Variants in PHACTR2 observed in about 807,000 individuals in gnomAD.
The protein encoded by PHACTR2 is chromosome 6 open reading frame 56.
In PHACTR2, 30 loss-of-function variants were observed where a neutral mutation model predicts 76.0. The observed-to-expected ratio is 0.39, with a 90% CI of 0.30 to 0.54. PHACTR2 has a LOEUF of 0.54. PHACTR2 is among the 20% of genes least tolerant of loss of function. PHACTR2 has a pLI of 0.61. For missense variants in PHACTR2, 696 were observed against 781.1 expected (o/e 0.89, Z 1.30); for synonymous variants, 292 against 292.5 (o/e 1.00, Z 0.02).
At chr6:143,736,554 ATTTTTTTTTTTTTTT>A (rs776969170) in intron 2 of PHACTR2, among the ~76,000 whole-genome samples, 13 of 56,950 alleles carry the variant, frequency 2.3e-4, no homozygotes, top group African/African-American at 7.2e-4. Flanking sequence ...ACCCTTTACA[ATTTTTTTTTTTTTTT>A]TTTTTTTTTT....
chr6:143,659,204 TA>T lies in PHACTR2; in HGVS notation c.13+50885del. 6.6e-6 allele frequency among the ~76,000 whole-genome samples: 1 copy of T among 152,236 alleles called. No individual in the cohort carries two copies. Among genetic ancestry groups the T allele is most frequent in the Non-Finnish European group, 1.5e-5 (1 of 68,046 alleles). ...TAAACACTGTACACTTAGCCTACAC[TA>T]AATTTATATTTAAAATTTCTTTTCC... On this transcript the variant is annotated intron_variant, in intron 1 of 11. Transcript: ENST00000305766. This position sits in a 1 kb window ranked among gnomAD's most constrained non-coding sequence, Gnocchi z 5.0.
At position 143,772,311 on chromosome 6, in the gene PHACTR2, G is replaced by C. The variant is rs763746621; in HGVS notation, c.1286G>C (p.Gly429Ala). The change falls in exon 7 of 13, where the codon GGG becomes GCG. Residue 429 changes from glycine (G) to alanine (A), a missense_variant. By Grantham distance (60) the Gly-to-Ala change is moderately conservative. This residue lies in a region of PHACTR2 where 236 missense variants were observed against 330.2 expected (regional missense o/e 0.71). Transcript: ENST00000440869. This position sits in a 1 kb window ranked among gnomAD's most constrained non-coding sequence, Gnocchi z 5.4. ...GKTVPQLLTP[G>A]LMGESSESFS... ...ACAGTGCCTCAGCTACTGACTCCTG[G>C]GCTGATGGGCGAATCTTCAGAATCC... 3.7e-5 allele frequency: 59 copies of C among 1,613,910 alleles called. No individual in the cohort carries two copies. Among genetic ancestry groups the C allele is most frequent in the Non-Finnish European group, 4.9e-5 (58 of 1,179,936 alleles).
chr6:143,763,120 A>G (rs960193229), intron 5 of PHACTR2, among the ~76,000 whole-genome samples: 1 of 152,194 alleles, frequency 6.6e-6, no homozygotes, highest in Non-Finnish European at 1.5e-5. Context: ...GCACTTTGGG[A>G]GGCCGAGGCA....
rs1220210806 is a variant in PHACTR2, at chr6:143,602,969, AC to A, written c.217+65766del. Among the ~76,000 whole-genome samples the A allele has an allele frequency of 6.6e-6, 1 of 151,756 alleles. No individual in the cohort carries two copies. Among genetic ancestry groups the A allele is most frequent in the Non-Finnish European group, 1.5e-5 (1 of 67,952 alleles). ...AGACCAGCCTGGCCAACATGGCAAA[AC>A]CCCGTCTCTACTAAAAATACAAAAA... is the stretch of plus-strand genomic sequence containing the variant. On this transcript the variant is annotated intron_variant, in intron 1 of 11. Coordinates refer to the PHACTR2 transcript ENST00000367584. The surrounding 1 kb of genome is among the most constrained non-coding windows in gnomAD (Gnocchi z 6.1).
rs1425984671 is a variant in PHACTR2, at chr6:143,820,973, A to G, written c.1923-2701A>G. Among the ~76,000 whole-genome samples, 1 of 152,236 alleles carries G rather than the reference A, an allele frequency of 6.6e-6. No individual in the cohort carries two copies. The highest frequency in any genetic ancestry group is 1.5e-5 in the Non-Finnish European group (1 of 68,046). ...TCATGTAGAAGCTGTCAAGGCTTTC[A>G]GCTTGCACCCTCTGAAGCAGAAGCC... On this transcript the variant is annotated intron_variant, in intron 12 of 12. Coordinates refer to ENST00000440869, the MANE Select transcript of PHACTR2 (RefSeq NM_001100164.2). This position sits in a 1 kb window ranked among gnomAD's most constrained non-coding sequence, Gnocchi z 4.2.
rs1776100379 is a variant in PHACTR2, at chr6:143,618,696, C to T, written c.13+10374C>T. Among the ~76,000 whole-genome samples, 2 of 152,086 alleles carry T rather than the reference C, an allele frequency of 1.3e-5. No homozygotes were observed. Among genetic ancestry groups the T allele is most frequent in the Admixed American group, 6.6e-5 (1 of 15,264 alleles). On this transcript the variant is annotated intron_variant, in intron 1 of 11. Transcript: ENST00000305766. This position sits in a 1 kb window ranked among gnomAD's most constrained non-coding sequence, Gnocchi z 5.2. Reference sequence around the variant, plus strand: ...CCCAGACCCTCTCACTTGCATGTCCCCTATTGCCATATTGCAAAGCCTCCT... The same window carrying T: ...CCCAGACCCTCTCACTTGCATGTCCTCTATTGCCATATTGCAAAGCCTCCT...
rs980048634 is a variant in PHACTR2 at position 143,537,116 on chromosome 6, C to T, written c.126C>T (p.Pro42=). The T allele has an allele frequency of 1.3e-5, 4 of 300,828 alleles. No homozygotes were observed. Among genetic ancestry groups the T allele is most frequent in the African/African-American group, 4.5e-5 (2 of 43,982 alleles). 18.6% of individuals were successfully genotyped at this position (300,828 alleles called of 1,614,324 possible). ...CGGCGCCTGCCCTGCGCTGGCTTCC[C>T]GGGGACCCGAGCCCCCGCGGCCGCT... Residue 42 remains proline (P), a synonymous_variant, in exon 1 of 12, where the codon CCC becomes CCT. Coordinates refer to the PHACTR2 transcript ENST00000367584. The surrounding 1 kb of genome is among the most constrained non-coding windows in gnomAD (Gnocchi z 4.4).
chr6:143,640,241 A>G lies in PHACTR2; in HGVS notation c.13+31919A>G, dbSNP rs150232579. Among the ~76,000 whole-genome samples the G allele has an allele frequency of 1.9e-3, 285 of 152,354 alleles. 1 individual carries two copies. Among genetic ancestry groups the G allele is most frequent in the African/African-American group, 6.5e-3 (270 of 41,588 alleles). ...TATGTTACCGGTTTGTGGATTTACT[A>G]TACTTTTAATCACCATTTTAGAGTG... is the stretch of plus-strand genomic sequence containing the variant. On this transcript the variant is annotated intron_variant, in intron 1 of 11. Transcript: ENST00000305766.
In PHACTR2 at chr6:143,782,672, A is replaced by G. The variant is rs185309572; in HGVS notation, c.1646-547A>G. Among the ~76,000 whole-genome samples, 188 of 152,310 alleles carry G rather than the reference A, an allele frequency of 1.2e-3. No individual in the cohort carries two copies. The Middle Eastern group carries it at 0.017, about 14-fold the overall frequency. On this transcript the variant is annotated intron_variant, in intron 9 of 12. Transcript: ENST00000440869. This position sits in a 1 kb window ranked among gnomAD's most constrained non-coding sequence, Gnocchi z 4.6. The stretch of plus-strand genomic sequence containing the variant: ...ACATTCTGGTTTGAAAGCAAAGTCC[A>G]AGGAAATGCTTACATTCTGCTTCTA...
Position 143,783,988 on chromosome 6 carries a change from CA to C in PHACTR2, c.1707+717del, listed in dbSNP as rs542525386. Among the ~76,000 whole-genome samples the C allele has an allele frequency of 1.5e-3, 140 of 93,944 alleles. 1 individual carries two copies. In the East Asian group the frequency reaches 0.036, roughly 24 times the overall value. 61.6% of individuals were successfully genotyped at this position (93,944 alleles called of 152,430 possible). ...TGGACAACATAGTGAGACCTTGTTT[CA>C]AAAAAAAAGAATTAATTGAAAATTA... On this transcript the variant is annotated intron_variant, in intron 10 of 12. Coordinates refer to ENST00000440869, the MANE Select transcript of PHACTR2 (RefSeq NM_001100164.2). This position sits in a 1 kb window ranked among gnomAD's most constrained non-coding sequence, Gnocchi z 5.2.
chr6:143,612,231 C>G (rs911454464), intron 1 of PHACTR2, among the ~76,000 whole-genome samples: 1 of 152,082 alleles, frequency 6.6e-6, no homozygotes, highest in African/African-American at 2.4e-5. Flanking sequence ...GGAAATAAGA[C>G]CAGGCAAAGA....
chr6:143,661,934 A>G (rs1776953567), intron 1 of PHACTR2, among the ~76,000 whole-genome samples: 1 of 152,206 alleles, frequency 6.6e-6, no homozygotes, highest in African/African-American at 2.4e-5. Flanking sequence ...CCCCTCAGCA[A>G]AAGACCCTCA....
At chr6:143,606,457 A>G (rs1582694021), upstream of PHACTR2, among the ~76,000 whole-genome samples, 1 of 152,306 alleles carries the variant, frequency 6.6e-6, no homozygotes, top group South Asian at 2.1e-4. Context: ...TTTAAGGACT[A>G]ACAGTATTAA....
In PHACTR2 at chr6:143,589,714, C is replaced by T. The variant is rs7749314; in HGVS notation, c.217+52507C>T. On this transcript the variant is annotated intron_variant, in intron 1 of 11. Transcript: ENST00000367584. This position sits in a 1 kb window ranked among gnomAD's most constrained non-coding sequence, Gnocchi z 4.4. ...AATACCATCATCTCTTTTAAAGGCC[C>T]TATCTCCAAATACAGTCACATTTCA... 0.42 allele frequency among the ~76,000 whole-genome samples: 63,991 copies of T among 152,008 alleles called. 13,904 individuals are homozygous for T. Among genetic ancestry groups the T allele is most frequent in the African/African-American group, 0.46 (19,195 of 41,434 alleles).
intron 12 of PHACTR2, among the ~76,000 whole-genome samples, chr6:143,810,162 C>T (rs951242645): frequency 3.3e-5 from 5 of 152,116 alleles, no homozygotes; most frequent in Non-Finnish European, 7.4e-5. Flanking sequence ...ATTTGAATGA[C>T]TGACATTTCA....
rs910821761 is a variant in PHACTR2 at position 143,553,117 on chromosome 6, G to A, written c.217+15910G>A. ...GGGCTAAAACCCATGCACCACTCTT[G>A]ACCCATCAACAAGGTTCAGCAAGTA... On this transcript the variant is annotated intron_variant, in intron 1 of 11. Transcript: ENST00000367584. The surrounding 1 kb of genome is among the most constrained non-coding windows in gnomAD (Gnocchi z 4.2). 6.6e-6 allele frequency among the ~76,000 whole-genome samples: 1 copy of A among 152,120 alleles called. No individual in the cohort carries two copies. Among genetic ancestry groups the A allele is most frequent in the Non-Finnish European group, 1.5e-5 (1 of 68,026 alleles).
Position 143,697,752 on chromosome 6 carries a change from C to G in PHACTR2, c.47-14264C>G, listed in dbSNP as rs776275877. On this transcript the variant is annotated intron_variant, in intron 1 of 12. Transcript: ENST00000440869. The surrounding 1 kb of genome is among the most constrained non-coding windows in gnomAD (Gnocchi z 4.4). ...AAGACCTGCTAAAATAAATCATAGC[C>G]TAGGCCTTGTAAATTATTGCCCCAC... 2.0e-5 allele frequency among the ~76,000 whole-genome samples: 3 copies of G among 152,188 alleles called. No individual in the cohort carries two copies. Among genetic ancestry groups the G allele is most frequent in the Non-Finnish European group, 4.4e-5 (3 of 68,028 alleles).
intron 1 of PHACTR2, among the ~76,000 whole-genome samples, chr6:143,693,402 T>A (rs751243252): frequency 7.2e-5 from 11 of 152,064 alleles, no homozygotes; most frequent in Non-Finnish European, 1.2e-4. Context: ...CACACCTGGC[T>A]AATTTTTGTA....
At chr6:143,661,253 T>G (rs1208023953) in intron 1 of PHACTR2, among the ~76,000 whole-genome samples, 1 of 152,166 alleles carries the variant, frequency 6.6e-6, no homozygotes, top group African/African-American at 2.4e-5. Flanking sequence ...TATTAATGCA[T>G]GTAGTTAAAT....
Sources: allele counts gnomAD v4.1 joint callset (sites outside exome capture counted in the v4.1 genomes callset), GRCh38; gene constraint gnomAD v4.1.1; regional missense constraint gnomAD v4.1.1; non-coding constraint Gnocchi (gnomAD v3.1); transcripts MANE v1.5; gene names NCBI Gene and HGNC (gene_info 2026-07-23, HGNC 2026-07-21).